The following CNTNAP3B variants were observed in gnomAD, a reference collection of about 807,000 sequenced individuals.
The protein encoded by CNTNAP3B is contactin-associated protein-like 3B.
In CNTNAP3B, 25 loss-of-function variants were observed where a neutral mutation model predicts 108.9. That is an observed-to-expected ratio of 0.23 (90% CI 0.17 to 0.32). CNTNAP3B has a LOEUF of 0.32. Among genes scored for constraint, CNTNAP3B ranks in the 10% least tolerant of loss-of-function variants. CNTNAP3B has a pLI of 1.00. For synonymous variants in CNTNAP3B, 103 were observed against 473.4 expected (o/e 0.22, Z 10.16); for missense variants, 252 against 1,210.4 (o/e 0.21, Z 11.75).
chr9:41,950,862 G>A, intron 13 of CNTNAP3B, among the ~76,000 whole-genome samples: 1 of 141,656 alleles, frequency 7.1e-6, no homozygotes, highest in Non-Finnish European at 1.5e-5. Flanking sequence ...CCGGGTTCAC[G>A]CCATTCTCCT....
chr9:41,931,848 G>A (rs1375139241), intron 14 of CNTNAP3B, among the ~76,000 whole-genome samples: 1 of 146,022 alleles, frequency 6.8e-6, no homozygotes, highest in African/African-American at 2.6e-5. Context: ...ATTATTTATG[G>A]AGGATGCTTG....
At chr9:42,047,415 G>A (rs1241338441) in intron 3 of CNTNAP3B, among the ~76,000 whole-genome samples, 1 of 130,756 alleles carries the variant, frequency 7.6e-6, no homozygotes, top group Non-Finnish European at 1.6e-5. Context: ...CAAAACCAAA[G>A]CAAATTCAAT....
rs1184640269 is a variant in CNTNAP3B at position 42,019,616 on chromosome 9, C to G, written c.391-6091G>C. On this transcript the variant is annotated intron_variant, in intron 3 of 23. Coordinates refer to ENST00000377561, the MANE Select transcript of CNTNAP3B (RefSeq NM_001201380.3). ...CAAAAAAAAAAAAAAAAAAAATTAC[C>G]CTAGCATGGTGGCGTGCCCCTGTAG... 2.0e-5 allele frequency among the ~76,000 whole-genome samples: 3 copies of G among 148,268 alleles called. No homozygotes were observed. In the South Asian group the frequency reaches 6.4e-4, roughly 32 times the overall value.
intron 2 of CNTNAP3B, among the ~76,000 whole-genome samples, chr9:42,095,512 G>A (rs953158678): frequency 7.2e-6 from 1 of 139,340 alleles, no homozygotes; most frequent in Middle Eastern, 3.5e-3. Flanking sequence ...TTAATTTGAG[G>A]CTAGAGAAGA....
chr9:42,086,570 G>A (rs1375149587), intron 2 of CNTNAP3B, among the ~76,000 whole-genome samples: 4 of 107,926 alleles, frequency 3.7e-5, no homozygotes, highest in Non-Finnish European at 7.3e-5. Context: ...TCAGCTACCC[G>A]AGTAGCTAGG....
At chr9:42,057,483 G>A (rs141591417) in intron 3 of CNTNAP3B, among the ~76,000 whole-genome samples, 2,160 of 124,410 alleles carry the variant, frequency 0.017, 488 homozygotes, top group African/African-American at 0.067. Context: ...GGAATTACAG[G>A]CCTGAGCCAC....
intron 13 of CNTNAP3B, among the ~76,000 whole-genome samples, chr9:41,952,938 G>C (rs1360670353): frequency 6.6e-6 from 1 of 152,116 alleles, no homozygotes; most frequent in Non-Finnish European, 1.5e-5. Context: ...AATTTCCCTT[G>C]ATTAAGAAAG....
rs1564186139 is a variant in CNTNAP3B, at chr9:42,060,983, AT to A, written c.390+15885del. On this transcript the variant is annotated intron_variant, in intron 3 of 23. Coordinates refer to ENST00000377561, the MANE Select transcript of CNTNAP3B (RefSeq NM_001201380.3). ...AACCTGACTTTTATGGATTTTTTTT[AT>A]TGTTTTTCTAGTCTGTATTTTATTT... 3.2e-5 allele frequency among the ~76,000 whole-genome samples: 3 copies of A among 93,192 alleles called. No homozygotes were observed. The East Asian group carries it at 1.0e-3, about 32-fold the overall frequency. The allele number at this position is 93,192 out of a possible 152,430, so 61.1% of individuals were successfully genotyped here. A position where few individuals can be genotyped will look rare whatever the true frequency, so the allele number is the denominator to read the frequency against.
intron 1 of CNTNAP3B, among the ~76,000 whole-genome samples, chr9:42,127,448 C>CT (rs975519115): frequency 7.2e-6 from 1 of 139,602 alleles, no homozygotes; most frequent in Non-Finnish European, 1.5e-5. Context: ...TTTCATTTTT[C>CT]TCCAGGAAGG....
chr9:42,097,499 T>G (rs1827927439), intron 2 of CNTNAP3B, among the ~76,000 whole-genome samples: 1 of 140,102 alleles, frequency 7.1e-6, no homozygotes. Flanking sequence ...CAAAGAACCA[T>G]TTAGAGTCAC....
chr9:42,118,670 G>A (rs1828380273), intron 1 of CNTNAP3B, among the ~76,000 whole-genome samples: 1 of 110,508 alleles, frequency 9.0e-6, no homozygotes, highest in South Asian at 3.0e-4. Flanking sequence ...TGGAAGTTCT[G>A]GTCAGGGCAA....
chr9:42,096,411 C>G (rs1309678001), intron 2 of CNTNAP3B, among the ~76,000 whole-genome samples: 1 of 139,740 alleles, frequency 7.2e-6, no homozygotes, highest in South Asian at 2.3e-4. Context: ...CTTTTTCTAC[C>G]TCAGACCAAA....
intron 13 of CNTNAP3B, among the ~76,000 whole-genome samples, chr9:41,941,497 C>A (rs1824341745): frequency 6.6e-6 from 1 of 150,828 alleles, no homozygotes; most frequent in Non-Finnish European, 1.5e-5. Context: ...AATGCATATG[C>A]AAGAAACAAT....
At chr9:41,934,422 T>A (rs2118033407) in intron 14 of CNTNAP3B, among the ~76,000 whole-genome samples, 1 of 152,362 alleles carries the variant, frequency 6.6e-6, no homozygotes, top group African/African-American at 2.4e-5. Flanking sequence ...GGGTTTCACC[T>A]GTGTTAGCCA....
chr9:42,015,769 T>C (rs1442323525), intron 3 of CNTNAP3B, among the ~76,000 whole-genome samples: 1 of 13,864 alleles, frequency 7.2e-5, no homozygotes, highest in Admixed American at 8.3e-4. Flanking sequence ...TCAGATCCTA[T>C]GAGCATTTTG....
intron 4 of CNTNAP3B, among the ~76,000 whole-genome samples, chr9:42,002,872 G>A (rs1224524591): frequency 1.5e-5 from 2 of 133,092 alleles, no homozygotes; most frequent in Non-Finnish European, 3.2e-5. Flanking sequence ...ATTTCCTTAC[G>A]CCATATTTTA....
chr9:41,935,968 A>G (rs552640672), intron 14 of CNTNAP3B, among the ~76,000 whole-genome samples: 179 of 152,168 alleles, frequency 1.2e-3, no homozygotes, highest in African/African-American at 4.2e-3. Context: ...GGGTCACTCA[A>G]TACAGGTGGC....
At chr9:41,965,116 T>C (rs1157595724) in intron 10 of CNTNAP3B, among the ~76,000 whole-genome samples, 40 of 152,406 alleles carry the variant, frequency 2.6e-4, no homozygotes, top group African/African-American at 9.1e-4. Flanking sequence ...GGTCATCTTG[T>C]CGCCTTTTAG....
intron 12 of CNTNAP3B, among the ~76,000 whole-genome samples, chr9:41,955,739 G>T (rs1207677706): frequency 1.3e-5 from 2 of 152,306 alleles, no homozygotes; most frequent in African/African-American, 4.8e-5. Flanking sequence ...TAGCCCAGAA[G>T]GAGGGTAACT....
Sources: allele counts gnomAD v4.1 joint callset (sites outside exome capture counted in the v4.1 genomes callset), GRCh38; gene constraint gnomAD v4.1.1; transcripts MANE v1.5; gene names NCBI Gene and HGNC (gene_info 2026-07-23, HGNC 2026-07-21).